SOX5: variants seen among roughly 807,000 people sequenced by gnomAD.
SOX5 encodes SRY-box transcription factor 5, also known as transcription factor SOX-5.
In SOX5, 9 loss-of-function variants were observed where a neutral mutation model predicts 92.0. The observed-to-expected ratio is 0.10, with a 90% CI of 0.06 to 0.17. The LOEUF is 0.17. Ranked by LOEUF, SOX5 falls within the 10% of genes least tolerant of loss-of-function variation. SOX5 has a pLI of 1.00. For synonymous variants in SOX5, 344 were observed against 336.3 expected (o/e 1.02, Z -0.25); for missense variants, 642 against 944.5 (o/e 0.68, Z 4.20).
At chr12:23,952,213 C>T (rs182017859), upstream of SOX5, among the ~76,000 whole-genome samples, 474 of 151,800 alleles carry the variant, frequency 3.1e-3, 8 homozygotes, top group African/African-American at 1.2e-3. Flanking sequence ...GAGGAGGAGG[C>T]GGGAGGAGAG....
intron 2 of SOX5, among the ~76,000 whole-genome samples, chr12:23,876,883 C>T (rs1446066069): frequency 6.6e-6 from 1 of 152,138 alleles, no homozygotes; most frequent in Non-Finnish European, 1.5e-5. Flanking sequence ...TCTCAGCAAA[C>T]TAACACAGAA....
chr12:24,201,348 G>GA (rs35549197), intron 4 of SOX5, among the ~76,000 whole-genome samples: 185 of 146,654 alleles, frequency 1.3e-3, no homozygotes, highest in Middle Eastern at 3.5e-3. Flanking sequence ...CTTTTCTCAG[G>GA]AAAAAAAAAA....
intron 1 of SOX5, among the ~76,000 whole-genome samples, chr12:23,903,384 A>C (rs908311387): frequency 6.6e-6 from 1 of 152,132 alleles, no homozygotes; most frequent in Non-Finnish European, 1.5e-5. Context: ...CTGGAATTCG[A>C]CACCAGCCTG....
chr12:24,278,345 T>A (rs554128804), intron 2 of SOX5, among the ~76,000 whole-genome samples: 1 of 152,264 alleles, frequency 6.6e-6, no homozygotes, highest in African/African-American at 2.4e-5. Flanking sequence ...AAGAGAAGAA[T>A]CCACATTACT....
chr12:23,546,204 T>C, intron 12 of SOX5, 112 bp downstream of exon 12: 3 of 651,666 alleles, frequency 4.6e-6, no homozygotes, highest in Non-Finnish European at 8.2e-6. Context: ...GACCTCTTAT[T>C]GTAATGATGA....
chr12:24,086,280 C>T (rs1010743560), intron 4 of SOX5, among the ~76,000 whole-genome samples: 1 of 151,630 alleles, frequency 6.6e-6, no homozygotes, highest in Admixed American at 6.6e-5. Flanking sequence ...ATAATAAGTA[C>T]CTACCCAGAC....
At chr12:23,561,198 G>A (rs1424325977) in intron 11 of SOX5, among the ~76,000 whole-genome samples, 1 of 152,126 alleles carries the variant, frequency 6.6e-6, no homozygotes, top group African/African-American at 2.4e-5. Flanking sequence ...CTGTACAAAA[G>A]AGAAAGGAAA....
intron 3 of SOX5, among the ~76,000 whole-genome samples, chr12:23,814,248 T>A (rs78245934): frequency 3.3e-5 from 5 of 152,272 alleles, no homozygotes; most frequent in Non-Finnish European, 7.4e-5. Context: ...CTGATCTAAT[T>A]GAAATGGATT....
At chr12:24,106,741 G>A (rs1050525233) in intron 4 of SOX5, among the ~76,000 whole-genome samples, 17 of 150,658 alleles carry the variant, frequency 1.1e-4, no homozygotes, top group South Asian at 6.3e-4. Flanking sequence ...GCAGTGAGCC[G>A]AGATCGTGCC....
At chr12:23,897,428 C>T (rs1038072408) in intron 1 of SOX5, among the ~76,000 whole-genome samples, 1 of 152,150 alleles carries the variant, frequency 6.6e-6, no homozygotes, top group African/African-American at 2.4e-5. Context: ...CACTTACTAG[C>T]TGAGACTTAA....
chr12:23,978,703 C>T (rs896589720), intron 4 of SOX5, among the ~76,000 whole-genome samples: 45 of 152,066 alleles, frequency 3.0e-4, no homozygotes, highest in Non-Finnish European at 8.8e-5. Context: ...TGTTCCATAT[C>T]TAGCTCTAAA....
At chr12:23,684,195 T>C (rs1593259091) in intron 6 of SOX5, among the ~76,000 whole-genome samples, 1 of 152,036 alleles carries the variant, frequency 6.6e-6, no homozygotes, top group Admixed American at 6.6e-5. Context: ...GTGATTTGCA[T>C]ATTTTTTTGT....
intron 3 of SOX5, among the ~76,000 whole-genome samples, chr12:24,271,501 AAAC>A (rs1183579626): frequency 1.3e-5 from 2 of 152,154 alleles, no homozygotes; most frequent in Non-Finnish European, 1.5e-5. Flanking sequence ...GTTTTCTGAT[AAAC>A]AACAACAAGA....
chr12:24,097,335 T>C (rs1945544641), intron 4 of SOX5, among the ~76,000 whole-genome samples: 1 of 152,204 alleles, frequency 6.6e-6, no homozygotes, highest in Admixed American at 6.5e-5. Flanking sequence ...TTATACTCTT[T>C]TATAGTGTCC....
chr12:24,211,623 T>C (rs35531545), intron 4 of SOX5, among the ~76,000 whole-genome samples: 355 of 152,354 alleles, frequency 2.3e-3, no homozygotes, highest in Admixed American at 5.5e-3. Context: ...GTGTGCACAA[T>C]GTAGTATACA....
intron 4 of SOX5, among the ~76,000 whole-genome samples, chr12:24,024,838 A>T (rs964580827): frequency 6.6e-6 from 1 of 152,002 alleles, no homozygotes; most frequent in Admixed American, 6.6e-5. Flanking sequence ...AAGCTTGAGT[A>T]TAAGCACTTA....
intron 2 of SOX5, among the ~76,000 whole-genome samples, chr12:24,306,687 T>C (rs1056284303): frequency 2.0e-5 from 3 of 152,058 alleles, no homozygotes; most frequent in Non-Finnish European, 2.9e-5. Context: ...ACATCCAAGA[T>C]AGCCAAAACC....
chr12:23,603,467 T>TATAAAATATATATATATATATATA (rs1566226312), intron 9 of SOX5, among the ~76,000 whole-genome samples: 2 of 92,070 alleles, frequency 2.2e-5, no homozygotes, highest in Non-Finnish European at 5.8e-5. Flanking sequence ...TATATATATA[T>TATAAAATATATATATATATATATA]TTTGCTGGTA....
chr12:24,154,514 T>C (rs961682763), intron 4 of SOX5, among the ~76,000 whole-genome samples: 1 of 151,940 alleles, frequency 6.6e-6, no homozygotes, highest in African/African-American at 2.4e-5. Flanking sequence ...TTTAAAAGGG[T>C]AAAAGAGAAA....
Sources: gnomAD v4.1 joint callset for allele counts (sites outside exome capture counted in the v4.1 genomes callset) on GRCh38, gnomAD v4.1.1 for gene constraint, MANE v1.5 for transcripts, NCBI Gene and HGNC (gene_info 2026-07-23, HGNC 2026-07-21) for gene names.